SPAG16: variants seen among roughly 807,000 people sequenced by gnomAD.
SPAG16 encodes the protein sperm associated antigen 16.
Under a neutral mutation model 80.4 loss-of-function variants are expected in SPAG16, and 86 were observed. The observed-to-expected ratio is 1.07, with a 90% CI of 0.90 to 1.28. The LOEUF is 1.28. Among genes scored for constraint, SPAG16 ranks in the 50% most tolerant of loss-of-function variants. The pLI, the probability that SPAG16 is intolerant of heterozygous loss-of-function variation, is 0.00. For synonymous variants in SPAG16, 294 were observed against 265.9 expected (o/e 1.11, Z -1.03); for missense variants, 870 against 765.3 (o/e 1.14, Z -1.61).
At chr2:214,042,301 A>G (rs2049078236) in intron 13 of SPAG16, among the ~76,000 whole-genome samples, 1 of 151,714 alleles carries the variant, frequency 6.6e-6, no homozygotes, top group South Asian at 2.1e-4. Context: ...ACCAAATTAA[A>G]CTTGACCCGG....
At chr2:213,752,633 C>T (rs2068127678) in intron 10 of SPAG16, among the ~76,000 whole-genome samples, 3 of 152,218 alleles carry the variant, frequency 2.0e-5, no homozygotes, top group Admixed American at 2.0e-4. Context: ...TGACATTCCT[C>T]TGTTGCCTTG....
chr2:213,424,880 T>C (rs2069813457), intron 9 of SPAG16, among the ~76,000 whole-genome samples: 2 of 152,230 alleles, frequency 1.3e-5, no homozygotes, highest in Non-Finnish European at 2.9e-5. Flanking sequence ...CACTGAGTTA[T>C]ATTCATTTCT....
At chr2:213,446,708 C>A (rs566742109) in intron 9 of SPAG16, among the ~76,000 whole-genome samples, 1 of 152,326 alleles carries the variant, frequency 6.6e-6, no homozygotes, top group South Asian at 2.1e-4. Flanking sequence ...TGGATGGATG[C>A]TCCTGCGGAA....
chr2:213,633,237 T>A (rs897744397), intron 10 of SPAG16, among the ~76,000 whole-genome samples: 5 of 152,314 alleles, frequency 3.3e-5, no homozygotes, highest in Non-Finnish European at 7.4e-5. Flanking sequence ...TTCTTCCAGA[T>A]TTTCCAATAT....
chr2:214,141,541 A>C (rs928555478), intron 14 of SPAG16, among the ~76,000 whole-genome samples: 1 of 152,054 alleles, frequency 6.6e-6, no homozygotes, highest in Admixed American at 6.6e-5. Context: ...GACCAATGCT[A>C]TACTTAGGAT....
chr2:213,707,765 T>C (rs1346003200), intron 10 of SPAG16, among the ~76,000 whole-genome samples: 4 of 151,604 alleles, frequency 2.6e-5, no homozygotes, highest in Non-Finnish European at 5.9e-5. Flanking sequence ...TGGAAAAAAA[T>C]CTAATAAACT....
At chr2:214,400,837 T>C (rs1701665245) in intron 15 of SPAG16, among the ~76,000 whole-genome samples, 1 of 152,016 alleles carries the variant, frequency 6.6e-6, no homozygotes, top group Admixed American at 6.6e-5. Context: ...CTTCCCTTCC[T>C]TCTCTGTTAC....
chr2:214,093,240 A>C (rs920328202), intron 13 of SPAG16, among the ~76,000 whole-genome samples: 2 of 152,038 alleles, frequency 1.3e-5, no homozygotes, highest in Non-Finnish European at 2.9e-5. Flanking sequence ...TTTTGGAATA[A>C]ATGATGTGGT....
intron 10 of SPAG16, among the ~76,000 whole-genome samples, chr2:213,771,917 A>T (rs1463002596): frequency 6.6e-6 from 1 of 152,184 alleles, no homozygotes; most frequent in South Asian, 2.1e-4. Context: ...GCTTAGGATT[A>T]TCTTGGATAT....
chr2:214,050,615 A>G (rs934177953), intron 13 of SPAG16, among the ~76,000 whole-genome samples: 1 of 152,236 alleles, frequency 6.6e-6, no homozygotes, highest in Non-Finnish European at 1.5e-5. Flanking sequence ...TATGTACTCC[A>G]TATATGTGTA....
At chr2:213,401,160 G>A (rs1477646287) in intron 9 of SPAG16, among the ~76,000 whole-genome samples, 1 of 152,124 alleles carries the variant, frequency 6.6e-6, no homozygotes, top group Non-Finnish European at 1.5e-5. Context: ...ACTTATTTTG[G>A]TCAATGATAA....
At chr2:213,957,422 A>G (rs562347020) in intron 12 of SPAG16, among the ~76,000 whole-genome samples, 1 of 150,628 alleles carries the variant, frequency 6.6e-6, no homozygotes, top group South Asian at 2.1e-4. Context: ...GTCTGCTGGT[A>G]TAGCCATCGT....
intron 15 of SPAG16, among the ~76,000 whole-genome samples, chr2:214,305,003 A>G (rs1694814891): frequency 6.6e-6 from 1 of 152,168 alleles, no homozygotes; most frequent in African/African-American, 2.4e-5. Flanking sequence ...ACCATGAGTA[A>G]GTGTTCCTTT....
At chr2:214,319,200 C>CACACACA (rs140486125) in intron 15 of SPAG16, among the ~76,000 whole-genome samples, 3 of 142,340 alleles carry the variant, frequency 2.1e-5, no homozygotes, top group African/African-American at 7.9e-5. Flanking sequence ...CACACACACA[C>CACACACA]CACACACACA....
At chr2:213,815,572 TAAAAC>T (rs1406617019) in intron 10 of SPAG16, among the ~76,000 whole-genome samples, 7 of 152,106 alleles carry the variant, frequency 4.6e-5, no homozygotes, top group East Asian at 1.9e-4. Context: ...GATTTTTTAA[TAAAAC>T]AAAACCACAA....
intron 10 of SPAG16, among the ~76,000 whole-genome samples, chr2:213,792,691 C>G (rs1159305936): frequency 7.2e-6 from 1 of 138,718 alleles, no homozygotes; most frequent in Non-Finnish European, 1.5e-5. Flanking sequence ...TCAAGCGATT[C>G]TCCTGCCTCA....
chr2:213,384,559 G>A (rs2125256980), intron 9 of SPAG16, among the ~76,000 whole-genome samples: 1 of 152,254 alleles, frequency 6.6e-6, no homozygotes, highest in Non-Finnish European at 1.5e-5. Flanking sequence ...CAATGTCTGG[G>A]TCTTTCTTTT....
chr2:213,548,634 T>C (rs555576693), intron 10 of SPAG16, among the ~76,000 whole-genome samples: 1 of 152,340 alleles, frequency 6.6e-6, no homozygotes, highest in South Asian at 2.1e-4. Flanking sequence ...TTTTAAAAGC[T>C]ACTATTTGTG....
chr2:213,366,002 C>A (rs1404589490), intron 8 of SPAG16, among the ~76,000 whole-genome samples: 1 of 149,692 alleles, frequency 6.7e-6, no homozygotes, highest in Non-Finnish European at 1.5e-5. Flanking sequence ...ATTAGCTGGG[C>A]GTAGTGGCGG....
Sources: gnomAD v4.1 joint callset for allele counts (sites outside exome capture counted in the v4.1 genomes callset) on GRCh38, gnomAD v4.1.1 for gene constraint, MANE v1.5 for transcripts, NCBI Gene and HGNC (gene_info 2026-07-23, HGNC 2026-07-21) for gene names.